Variants in TBC1D30 observed in about 807,000 individuals in gnomAD.
The protein encoded by TBC1D30 is TBC1 domain family member 30.
Under a neutral mutation model 63.2 loss-of-function variants are expected in TBC1D30, and 31 were observed. The ratio of observed to expected loss-of-function variants is 0.49; its 90% CI spans 0.37 to 0.66. The LOEUF is 0.66. TBC1D30 is among the 30% of genes least tolerant of loss of function. TBC1D30 has a pLI of 0.00. For synonymous variants in TBC1D30, 307 were observed against 361.5 expected (o/e 0.85, Z 1.71); for missense variants, 810 against 953.6 (o/e 0.85, Z 1.98).
chr12:64,829,109 C>T (rs1030010795), intron 3 of TBC1D30, among the ~76,000 whole-genome samples: 2 of 152,044 alleles, frequency 1.3e-5, no homozygotes, highest in African/African-American at 2.4e-5. Context: ...GGTGGCAGAT[C>T]GTGGAGAACC....
chr12:64,787,822 G>A (rs530614681), intron 2 of TBC1D30, among the ~76,000 whole-genome samples: 1 of 152,310 alleles, frequency 6.6e-6, no homozygotes, highest in Admixed American at 6.5e-5. Flanking sequence ...GATCACCTGA[G>A]GTTAGGAGTT....
At chr12:64,780,573 G>A (rs531933225) in exon 1 of TBC1D30, among the ~76,000 whole-genome samples, 1 of 152,204 alleles carries the variant, frequency 6.6e-6, no homozygotes, top group Non-Finnish European at 1.5e-5. Flanking sequence ...CGGGCAGCAG[G>A]TGGCCCCAGG....
At chr12:64,807,953 C>T (rs1420313262) in intron 2 of TBC1D30, among the ~76,000 whole-genome samples, 1 of 101,000 alleles carries the variant, frequency 9.9e-6, no homozygotes, top group African/African-American at 5.2e-5. Flanking sequence ...TGGGGTCTTC[C>T]TATGTCTTCC....
At chr12:64,827,962 C>A in intron 2 of TBC1D30, 66 bp downstream of exon 2, 2 of 1,075,516 alleles carry the variant, frequency 1.9e-6, no homozygotes, top group South Asian at 1.5e-5. Flanking sequence ...GATATATTCT[C>A]AAAGTGGAAA....
chr12:64,779,651 C>T (rs1454619982), upstream of TBC1D30, among the ~76,000 whole-genome samples: 3 of 152,118 alleles, frequency 2.0e-5, no homozygotes, highest in Non-Finnish European at 2.9e-5. Flanking sequence ...GTTGTTGCCC[C>T]TTTTGGAAGT....
chr12:64,801,318 G>A (rs1028356785), intron 2 of TBC1D30, among the ~76,000 whole-genome samples: 3 of 151,892 alleles, frequency 2.0e-5, no homozygotes, highest in Non-Finnish European at 2.9e-5. Flanking sequence ...ATCAAAGTTT[G>A]TGTGTGTGTG....
At chr12:64,778,151 C>T (rs1051981892), upstream of TBC1D30, among the ~76,000 whole-genome samples, 42 of 152,156 alleles carry the variant, frequency 2.8e-4, no homozygotes, top group Non-Finnish European at 8.8e-5. Context: ...GTGAGAAAAG[C>T]GGCTGTCCTT....
At chr12:64,775,131 A>G (rs1164533460) in intron 1 of TBC1D30, among the ~76,000 whole-genome samples, 1 of 151,126 alleles carries the variant, frequency 6.6e-6, no homozygotes, top group Non-Finnish European at 1.5e-5. Context: ...ATAGATATAG[A>G]TATATATGGA....
rs536265944 is a variant in TBC1D30, at chr12:64,832,299, C to T, written c.589C>T (p.Leu197=). Reference sequence around the variant, plus strand: ...GATGGAAGGCAATGAAGGGGATGCCCTGAAAGTGAGTAGCAGGCTCTGACA... The same window carrying T: ...GATGGAAGGCAATGAAGGGGATGCCTTGAAAGTGAGTAGCAGGCTCTGACA... ...EVMEGNEGDA[L]KIMIYLIDKV... is the part of the protein sequence containing the mutation. The change falls in exon 5 of 12, where the codon CTG becomes TTG. Residue 197 remains leucine, a synonymous_variant. Transcript: ENST00000539867. The T allele has an allele frequency of 1.1e-4, 166 of 1,535,552 alleles. 3 individuals carry two copies. In the East Asian group the frequency reaches 3.9e-3, roughly 36 times the overall value.
upstream of TBC1D30, among the ~76,000 whole-genome samples, chr12:64,823,529 A>G (rs946885130): frequency 2.6e-5 from 4 of 152,216 alleles, no homozygotes; most frequent in Admixed American, 2.6e-4. Flanking sequence ...GGGTGCAATC[A>G]TAGCTCACTG....
intron 2 of TBC1D30, among the ~76,000 whole-genome samples, chr12:64,801,889 G>C (rs1367500219): frequency 3.9e-5 from 6 of 152,116 alleles, no homozygotes; most frequent in African/African-American, 1.4e-4. Flanking sequence ...TCTTAAATGT[G>C]CATCTAACCT....
chr12:64,803,103 A>G (rs183583955), intron 2 of TBC1D30, among the ~76,000 whole-genome samples: 59 of 152,352 alleles, frequency 3.9e-4, no homozygotes, highest in Non-Finnish European at 6.3e-4. Flanking sequence ...ACTAGTTTAC[A>G]GTCCCACCAA....
In TBC1D30 at chr12:64,824,677, G is replaced by T; in HGVS notation, c.-203G>T. On this transcript the variant is annotated 5_prime_UTR_variant, in exon 1 of 12. Transcript: ENST00000539867. ...TGCAGGCTCCGCACTGCAGATGCCTGCTGGCTTCCCTGCGCTCGGCGGCTC... is the reference window on the plus strand; with the variant it reads ...TGCAGGCTCCGCACTGCAGATGCCTTCTGGCTTCCCTGCGCTCGGCGGCTC... The T allele has an allele frequency of 1.6e-6, 1 of 630,562 alleles. No homozygotes were observed. The highest frequency in any genetic ancestry group is 2.6e-6 in the Non-Finnish European group (1 of 386,584). 39.1% of individuals were successfully genotyped at this position (630,562 alleles called of 1,614,324 possible). A position where few individuals can be genotyped will look rare whatever the true frequency, so the allele number is the denominator to read the frequency against.
intron 2 of TBC1D30, among the ~76,000 whole-genome samples, chr12:64,807,918 G>GTTTTGTTTTTTT (rs1872970014): frequency 2.1e-5 from 2 of 93,526 alleles, no homozygotes; most frequent in Non-Finnish European, 1.9e-5. Context: ...CCTAATTTAA[G>GTTTTGTTTTTTT]TTTTTTTTTT....
At chr12:64,854,076 A>T (rs1026736009) in intron 8 of TBC1D30, among the ~76,000 whole-genome samples, 1 of 152,160 alleles carries the variant, frequency 6.6e-6, no homozygotes, top group Non-Finnish European at 1.5e-5. Context: ...GTGGATTTAC[A>T]TTCAGTGTTA....
chr12:64,786,930 C>T (rs1034332697), intron 2 of TBC1D30, among the ~76,000 whole-genome samples: 6 of 150,316 alleles, frequency 4.0e-5, no homozygotes, highest in Non-Finnish European at 5.9e-5. Flanking sequence ...GCGACAAGAG[C>T]GAAACTCCAT....
chr12:64,878,314 C>T lies in TBC1D30; in HGVS notation c.*2526C>T. On this transcript the variant is annotated 3_prime_UTR_variant, in exon 12 of 12. Transcript: ENST00000539867. ...AGTAGCCTCTACCACACAGCATGTACAAAGACCAGTATGGACTTGCTATCT... is the reference window on the plus strand; with the variant it reads ...AGTAGCCTCTACCACACAGCATGTATAAAGACCAGTATGGACTTGCTATCT... 4 of 382,136 alleles carry T rather than the reference C, an allele frequency of 1.0e-5. No individual in the cohort carries two copies. Among genetic ancestry groups the T allele is most frequent in the Non-Finnish European group, 2.1e-5 (4 of 191,354 alleles). 23.7% of individuals were successfully genotyped at this position (382,136 alleles called of 1,614,324 possible).
rs34733475 is a variant in TBC1D30, at chr12:64,834,404, CT to C, written c.595-2066del. 6.0e-3 allele frequency among the ~76,000 whole-genome samples: 724 copies of C among 120,296 alleles called. 2 individuals are homozygous for C. Among genetic ancestry groups the C allele is most frequent in the Middle Eastern group, 0.017 (4 of 230 alleles). 78.9% of individuals were successfully genotyped at this position (120,296 alleles called of 152,430 possible). A position where few individuals can be genotyped will look rare whatever the true frequency, so the allele number is the denominator to read the frequency against. The stretch of plus-strand genomic sequence containing the variant: ...GAGCTCTCCCATTATTTAGCCAAAT[CT>C]TTTTTTTTTTTTTTTTTTTGAGATA... On this transcript the variant is annotated intron_variant, in intron 5 of 11. Transcript: ENST00000539867.
At chr12:64,779,777 G>C (rs892085092), upstream of TBC1D30, among the ~76,000 whole-genome samples, 1 of 152,072 alleles carries the variant, frequency 6.6e-6, no homozygotes, top group East Asian at 1.9e-4. Context: ...TAGCCTCTTC[G>C]TGCCTCAGCT....
Sources: gnomAD v4.1 joint callset for allele counts (sites outside exome capture counted in the v4.1 genomes callset) on GRCh38, gnomAD v4.1.1 for gene constraint, MANE v1.5 for transcripts, NCBI Gene and HGNC (gene_info 2026-07-23, HGNC 2026-07-21) for gene names.